TRHDE: variants seen among roughly 807,000 people sequenced by gnomAD.
TRHDE encodes the protein thyrotropin releasing hormone degrading enzyme, also known as thyrotropin-releasing hormone-degrading ectoenzyme.
Under a neutral mutation model 125.7 loss-of-function variants are expected in TRHDE, and 72 were observed. The observed-to-expected ratio is 0.57, with a 90% confidence interval of 0.47 to 0.70. TRHDE has a LOEUF of 0.70. Ranked by LOEUF, TRHDE falls within the 30% of genes least tolerant of loss-of-function variation. The pLI, the probability that TRHDE is intolerant of heterozygous loss-of-function variation, is 0.00. For missense variants in TRHDE, 1,110 were observed against 1,327.1 expected (o/e 0.84, Z 2.54); for synonymous variants, 509 against 509.1 (o/e 1.00, Z 0.00).
At chr12:72,183,854 T>C (rs1208702310) in intron 2 of TRHDE, among the ~76,000 whole-genome samples, 1 of 152,174 alleles carries the variant, frequency 6.6e-6, no homozygotes, top group Non-Finnish European at 1.5e-5. Context: ...AATTTTAAAA[T>C]CCTGATATTA....
At chr12:72,460,685 T>C (rs1245618145) in intron 3 of TRHDE, among the ~76,000 whole-genome samples, 3 of 152,162 alleles carry the variant, frequency 2.0e-5, no homozygotes, top group African/African-American at 7.2e-5. Context: ...TTAGTCAACT[T>C]GGGCTGTCAC....
intron 7 of TRHDE, among the ~76,000 whole-genome samples, chr12:72,552,374 C>T (rs1308292301): frequency 6.6e-6 from 1 of 151,964 alleles, no homozygotes; most frequent in South Asian, 2.1e-4. Flanking sequence ...GGGATAAATT[C>T]GGTGAAGAGA....
At chr12:72,425,265 T>TCTGTTTGGTTCCATTTC (rs1874136085) in intron 3 of TRHDE, among the ~76,000 whole-genome samples, 1 of 152,176 alleles carries the variant, frequency 6.6e-6, no homozygotes, top group Non-Finnish European at 1.5e-5. Flanking sequence ...GGTTTTATTT[T>TCTGTTTGGTTCCATTTC]TCTGTTTGGT....
intron 2 of TRHDE, among the ~76,000 whole-genome samples, chr12:72,328,944 TAA>T (rs1346350756): frequency 6.6e-6 from 1 of 152,282 alleles, no homozygotes; most frequent in East Asian, 1.9e-4. Flanking sequence ...ATAAAAATTA[TAA>T]GTTATATTTT....
At chr12:72,106,480 A>C (rs1001608050) in intron 2 of TRHDE, among the ~76,000 whole-genome samples, 3 of 152,166 alleles carry the variant, frequency 2.0e-5, no homozygotes, top group African/African-American at 7.2e-5. Context: ...TTATATATGT[A>C]TAAGAAACTA....
At chr12:72,104,414 T>C (rs1380760442) in intron 1 of TRHDE, among the ~76,000 whole-genome samples, 1 of 152,176 alleles carries the variant, frequency 6.6e-6, no homozygotes, top group Non-Finnish European at 1.5e-5. Context: ...AAGATTAATG[T>C]AATACTTGGT....
intron 2 of TRHDE, among the ~76,000 whole-genome samples, chr12:72,317,607 C>T (rs1454949201): frequency 2.0e-5 from 3 of 152,030 alleles, no homozygotes; most frequent in African/African-American, 7.3e-5. Flanking sequence ...ATGAAGGCTC[C>T]CAATTACTTC....
chr12:72,596,392 A>G (rs994440234), intron 12 of TRHDE, among the ~76,000 whole-genome samples: 2 of 152,138 alleles, frequency 1.3e-5, no homozygotes, highest in Non-Finnish European at 1.5e-5. Context: ...GTTTATGAGG[A>G]CTCCACTGTA....
At chr12:72,226,437 CAA>C (rs551288603) in intron 2 of TRHDE, among the ~76,000 whole-genome samples, 400 of 152,150 alleles carry the variant, frequency 2.6e-3, no homozygotes, top group Middle Eastern at 0.017. Flanking sequence ...AGTGTGGAAA[CAA>C]TATTTTTATT....
intron 6 of TRHDE, among the ~76,000 whole-genome samples, chr12:72,523,550 G>A (rs780334874): frequency 1.6e-4 from 25 of 152,044 alleles, no homozygotes; most frequent in Non-Finnish European, 3.1e-4. Flanking sequence ...TATAAAGGTC[G>A]TGCTTTCCAA....
At chr12:72,582,496 T>C (rs1272112399) in intron 12 of TRHDE, 2 of 985,310 alleles carry the variant, frequency 2.0e-6, no homozygotes, top group Non-Finnish European at 2.4e-6. Context: ...ATGGCTCTCT[T>C]GTACCTCGTT....
Position 72,579,474 on chromosome 12 carries a change from T to C in TRHDE, c.2321+3932T>C, listed in dbSNP as rs561743139. On this transcript the variant is annotated intron_variant, in intron 12 of 18. Transcript: ENST00000261180. ...ATAGAAAATGAGCAAAGGTATTTCC[T>C]ACTATTCTTTCCTATATATTTTGCA... Among the ~76,000 whole-genome samples the C allele has an allele frequency of 9.8e-5, 15 of 152,300 alleles. No individual in the cohort carries two copies. The East Asian group carries it at 2.7e-3, about 27-fold the overall frequency.
At chr12:72,207,468 T>G (rs1877691739) in intron 2 of TRHDE, among the ~76,000 whole-genome samples, 1 of 152,090 alleles carries the variant, frequency 6.6e-6, no homozygotes, top group Non-Finnish European at 1.5e-5. Context: ...ACAAAAAAAT[T>G]GCACAATAAG....
Position 72,224,802 on chromosome 12 carries a change from TA to T in TRHDE, n.279+119051del, listed in dbSNP as rs535093992. Among the ~76,000 whole-genome samples, 912 of 152,310 alleles carry T rather than the reference TA, an allele frequency of 6.0e-3. 1 individual carries two copies. Among genetic ancestry groups the T allele is most frequent in the Middle Eastern group, 0.024 (7 of 294 alleles). On this transcript the variant is annotated intron_variant and non_coding_transcript_variant, in intron 2 of 4. Coordinates refer to the TRHDE transcript ENST00000548156. ...ACCACCTTAAGGCATTAAAGTGAGT[TA>T]TAAACATCTTCAGTGGTATGATTAT...
At chr12:72,413,153 A>C (rs1451631686) in intron 3 of TRHDE, among the ~76,000 whole-genome samples, 2 of 152,204 alleles carry the variant, frequency 1.3e-5, no homozygotes, top group East Asian at 1.9e-4. Context: ...AGTTAGGCAA[A>C]AACAAATCCA....
chr12:72,106,512 A>G (rs1875191618), intron 2 of TRHDE, among the ~76,000 whole-genome samples: 1 of 152,132 alleles, frequency 6.6e-6, no homozygotes, highest in African/African-American at 2.4e-5. Context: ...CACATTTTAT[A>G]TGTGTAAATG....
intron 3 of TRHDE, among the ~76,000 whole-genome samples, chr12:72,467,582 C>T (rs1021942410): frequency 1.5e-4 from 23 of 152,084 alleles, no homozygotes; most frequent in Non-Finnish European, 2.5e-4. Context: ...TTTGGGAGGC[C>T]GAGGTGGGTG....
intron 5 of TRHDE, among the ~76,000 whole-genome samples, chr12:72,493,428 ATAAT>A (rs1170091704): frequency 6.6e-6 from 1 of 151,958 alleles, no homozygotes; most frequent in Non-Finnish European, 1.5e-5. Context: ...TTTTAAAGAA[ATAAT>A]TGGTGCAATG....
At chr12:72,626,132 G>C (rs779908400) in intron 15 of TRHDE, among the ~76,000 whole-genome samples, 2 of 151,896 alleles carry the variant, frequency 1.3e-5, no homozygotes, top group Admixed American at 6.6e-5. Context: ...GTTGATATAG[G>C]TACCACACTT....
Sources: gnomAD v4.1 joint callset for allele counts (sites outside exome capture counted in the v4.1 genomes callset) on GRCh38, gnomAD v4.1.1 for gene constraint, MANE v1.5 for transcripts, NCBI Gene and HGNC (gene_info 2026-07-23, HGNC 2026-07-21) for gene names.